The following ROBO2 variants were observed in gnomAD, a reference collection of about 807,000 sequenced individuals.
ROBO2 encodes roundabout homolog 2.
A neutral mutation model predicts 160.8 loss-of-function variants in ROBO2; 53 were observed. The ratio of observed to expected loss-of-function variants is 0.33; its 90% CI spans 0.26 to 0.41. The LOEUF is 0.41. ROBO2 is among the 10% of genes least tolerant of loss of function. ROBO2 has a pLI of 1.00. For synonymous variants in ROBO2, 664 were observed against 611.7 expected (o/e 1.09, Z -1.26); for missense variants, 1,577 against 1,722.4 (o/e 0.92, Z 1.49).
chr3:76,592,699 C>G (rs1282528341), intron 2 of ROBO2, among the ~76,000 whole-genome samples: 1 of 152,040 alleles, frequency 6.6e-6, no homozygotes, highest in Non-Finnish European at 1.5e-5. Context: ...GCCAGACGTC[C>G]TGGTGTAGAC....
At chr3:77,209,440 A>G (rs1298934077) in intron 2 of ROBO2, among the ~76,000 whole-genome samples, 2 of 152,172 alleles carry the variant, frequency 1.3e-5, no homozygotes, top group African/African-American at 2.4e-5. Flanking sequence ...GGTAAAAAAA[A>G]GCAATAAAAT....
chr3:76,678,737 G>A (rs1197941620), intron 2 of ROBO2, among the ~76,000 whole-genome samples: 1 of 152,066 alleles, frequency 6.6e-6, no homozygotes, highest in Non-Finnish European at 1.5e-5. Flanking sequence ...TACTTAGGTG[G>A]AAATTTTTGC....
chr3:76,124,052 A>T (rs1012393115), intron 2 of ROBO2, among the ~76,000 whole-genome samples: 8 of 152,136 alleles, frequency 5.3e-5, no homozygotes, highest in Non-Finnish European at 1.2e-4. Flanking sequence ...TATCTTAAAA[A>T]TAATGAGTTT....
intron 2 of ROBO2, among the ~76,000 whole-genome samples, chr3:77,391,774 G>C (rs1017505062): frequency 2.5e-4 from 38 of 152,068 alleles, no homozygotes; most frequent in Admixed American, 2.5e-3. Flanking sequence ...GCCCAGGCTG[G>C]TCTTGAACTC....
upstream of ROBO2, among the ~76,000 whole-genome samples, chr3:77,036,502 AT>A (rs2063645660): frequency 6.6e-6 from 1 of 152,050 alleles, no homozygotes; most frequent in Non-Finnish European, 1.5e-5. Flanking sequence ...TCATATGGTT[AT>A]TTTATACTTC....
intron 2 of ROBO2, among the ~76,000 whole-genome samples, chr3:76,785,680 G>T (rs1387635393): frequency 1.3e-5 from 2 of 151,034 alleles, no homozygotes; most frequent in Admixed American, 6.6e-5. Context: ...ATGTTTTCAT[G>T]GTCTGTTTAC....
At chr3:76,737,713 TTACTC>T (rs1263144435) in intron 2 of ROBO2, among the ~76,000 whole-genome samples, 1 of 152,182 alleles carries the variant, frequency 6.6e-6, no homozygotes, top group Non-Finnish European at 1.5e-5. Flanking sequence ...AACTTCAACT[TTACTC>T]TAGAGAAATT....
chr3:76,749,995 A>G (rs973516211), intron 2 of ROBO2, among the ~76,000 whole-genome samples: 3 of 152,144 alleles, frequency 2.0e-5, no homozygotes, highest in African/African-American at 7.2e-5. Flanking sequence ...ACACAACAGA[A>G]AAAGAGAATT....
chr3:76,185,195 G>GATATATATATATATATATATATATATAT (rs1219580267), intron 2 of ROBO2, among the ~76,000 whole-genome samples: 902 of 43,988 alleles, frequency 0.021, 184 homozygotes, highest in Middle Eastern at 0.062. Context: ...AGTAAACACA[G>GATATATATATATATATATATATATATAT]ATATATATAT....
At chr3:76,322,420 T>C (rs1168318213) in intron 2 of ROBO2, among the ~76,000 whole-genome samples, 2 of 151,890 alleles carry the variant, frequency 1.3e-5, no homozygotes, top group Non-Finnish European at 2.9e-5. Flanking sequence ...ACTTGGAGCC[T>C]CAAATATATG....
intron 21 of ROBO2, among the ~76,000 whole-genome samples, chr3:77,615,881 G>A (rs189362587): frequency 2.2e-4 from 33 of 152,102 alleles, no homozygotes; most frequent in African/African-American, 6.0e-4. Context: ...AGAATCATCC[G>A]GACATTTATA....
rs539272974 is a variant in ROBO2 at position 77,636,865 on chromosome 3, G to A, written c.3934+1822G>A. Among the ~76,000 whole-genome samples, 32 of 152,218 alleles carry A rather than the reference G, an allele frequency of 2.1e-4. 1 individual carries two copies. The highest frequency in any genetic ancestry group is 6.0e-4 in the African/African-American group (25 of 41,536). On this transcript the variant is annotated intron_variant, in intron 24 of 25. Transcript: ENST00000461745. The stretch of plus-strand genomic sequence containing the variant: ...CTTTACAGAATATAGTCTATTTCCC[G>A]TATTTTTAATTTAATTCTTATAACT...
intron 2 of ROBO2, among the ~76,000 whole-genome samples, chr3:77,005,606 AG>A: frequency 6.6e-6 from 1 of 151,970 alleles, no homozygotes; most frequent in Non-Finnish European, 1.5e-5. Flanking sequence ...TACTTTATGG[AG>A]TACAGGGAAC....
At chr3:76,952,629 C>T (rs1304337525) in intron 2 of ROBO2, among the ~76,000 whole-genome samples, 2 of 151,956 alleles carry the variant, frequency 1.3e-5, no homozygotes, top group African/African-American at 4.8e-5. Flanking sequence ...TTTGCACAGT[C>T]ATGCAATTAT....
intron 2 of ROBO2, among the ~76,000 whole-genome samples, chr3:76,528,726 G>A (rs773682013): frequency 1.6e-4 from 24 of 151,986 alleles, no homozygotes; most frequent in East Asian, 1.9e-4. Flanking sequence ...TTAAATCTAC[G>A]AGACCAGATG....
chr3:76,255,724 T>C (rs762618241), intron 2 of ROBO2, among the ~76,000 whole-genome samples: 1 of 152,140 alleles, frequency 6.6e-6, no homozygotes, highest in Non-Finnish European at 1.5e-5. Flanking sequence ...ACTATTTTAC[T>C]CTTTCTCTCG....
chr3:77,245,363 A>G (rs755884258), intron 2 of ROBO2, among the ~76,000 whole-genome samples: 2 of 152,202 alleles, frequency 1.3e-5, no homozygotes, highest in Non-Finnish European at 2.9e-5. Context: ...ACGGGTAATG[A>G]CATTGCCCAG....
In ROBO2 at chr3:77,235,355, A is replaced by ATTT. The variant is rs35778905; in HGVS notation, c.388+137028_388+137030dup. 5.0e-4 allele frequency among the ~76,000 whole-genome samples: 72 copies of ATTT among 143,786 alleles called. 1 individual carries two copies. The highest frequency in any genetic ancestry group is 8.2e-4 in the East Asian group (4 of 4,888). 94.3% of individuals were successfully genotyped at this position (143,786 alleles called of 152,430 possible). The stretch of plus-strand genomic sequence containing the variant: ...GCATTCTATAATATGAGAGGAGAAT[A>ATTT]TTTTTTTTTTTTTTTGAGACGGAGT... On this transcript the variant is annotated intron_variant, in intron 2 of 25. Coordinates refer to ENST00000461745, the Ensembl canonical transcript of ROBO2.
At chr3:77,296,858 T>G (rs1055964513) in intron 2 of ROBO2, among the ~76,000 whole-genome samples, 1 of 152,118 alleles carries the variant, frequency 6.6e-6, no homozygotes, top group Non-Finnish European at 1.5e-5. Context: ...GGTTTGGTGC[T>G]TTGCTGATTA....
Sources: allele counts gnomAD v4.1 joint callset (sites outside exome capture counted in the v4.1 genomes callset), GRCh38; gene constraint gnomAD v4.1.1; transcripts MANE v1.5; gene names NCBI Gene and HGNC (gene_info 2026-07-23, HGNC 2026-07-21).